KCNMB2: variants seen among roughly 807,000 people sequenced by gnomAD.
KCNMB2 encodes potassium calcium-activated channel subfamily M regulatory beta subunit 2, also known as calcium-activated potassium channel subunit beta-2.
Under a neutral mutation model 24.5 loss-of-function variants are expected in KCNMB2, and 9 were observed. The observed-to-expected ratio is 0.37, with a 90% confidence interval of 0.22 to 0.64. KCNMB2 has a LOEUF of 0.64. Among genes scored for constraint, KCNMB2 ranks in the 30% least tolerant of loss-of-function variants. The pLI is 0.63. For synonymous variants in KCNMB2, 109 were observed against 104.4 expected, an observed-to-expected ratio of 1.04 and a Z score of -0.27; for missense variants, 226 against 284.3, an observed-to-expected ratio of 0.79 and a Z score of 1.47.
chr3:178,649,923 A>C (rs1240467658), intron 1 of KCNMB2, among the ~76,000 whole-genome samples: 1 of 151,830 alleles, frequency 6.6e-6, no homozygotes, highest in Non-Finnish European at 1.5e-5. Flanking sequence ...TAGTTATTTT[A>C]ATTGTGATGT....
chr3:178,585,982 C>A (rs1717415397), intron 1 of KCNMB2, among the ~76,000 whole-genome samples: 1 of 152,138 alleles, frequency 6.6e-6, no homozygotes, highest in African/African-American at 2.4e-5. Context: ...ATAAAACAAT[C>A]TTTAATTGAG....
intron 1 of KCNMB2, among the ~76,000 whole-genome samples, chr3:178,747,677 A>T (rs952528332): frequency 3.9e-5 from 6 of 152,228 alleles, no homozygotes; most frequent in Non-Finnish European, 8.8e-5. Flanking sequence ...TAACTGACTT[A>T]GTCTTGTCTT....
chr3:178,642,253 GCA>G (rs1174961385), intron 1 of KCNMB2, among the ~76,000 whole-genome samples: 2 of 152,120 alleles, frequency 1.3e-5, no homozygotes, highest in Non-Finnish European at 2.9e-5. Flanking sequence ...AAATAAAAAA[GCA>G]CAGATTTCTC....
intron 1 of KCNMB2, among the ~76,000 whole-genome samples, chr3:178,714,384 A>G (rs80019745): frequency 0.014 from 2,129 of 152,318 alleles, 44 homozygotes; most frequent in African/African-American, 0.048. Flanking sequence ...GAGGAGGGAC[A>G]CAGTGTTGGC....
intron 1 of KCNMB2, among the ~76,000 whole-genome samples, chr3:178,806,054 A>G (rs1186848322): frequency 6.6e-6 from 1 of 152,220 alleles, no homozygotes; most frequent in Non-Finnish European, 1.5e-5. Context: ...TCTTGAACCC[A>G]GGAGTTTGAG....
intron 1 of KCNMB2, among the ~76,000 whole-genome samples, chr3:178,800,015 C>A (rs1713714454): frequency 6.6e-6 from 1 of 151,902 alleles, no homozygotes; most frequent in South Asian, 2.1e-4. Context: ...TTGCCATGTG[C>A]AAAAAACAAA....
At chr3:178,814,397 T>G (rs1714323173) in intron 2 of KCNMB2, among the ~76,000 whole-genome samples, 1 of 152,232 alleles carries the variant, frequency 6.6e-6, no homozygotes, top group African/African-American at 2.4e-5. Context: ...TTCTATGACT[T>G]TACTATTATG....
chr3:178,628,334 T>C (rs773539440), intron 1 of KCNMB2, among the ~76,000 whole-genome samples: 3 of 152,296 alleles, frequency 2.0e-5, no homozygotes, highest in Non-Finnish European at 1.5e-5. Flanking sequence ...AGCAAATAGT[T>C]CTTGGAAAGA....
At chr3:178,604,301 A>C (rs1718199070) in intron 1 of KCNMB2, among the ~76,000 whole-genome samples, 1 of 152,194 alleles carries the variant, frequency 6.6e-6, no homozygotes, top group Admixed American at 6.6e-5. Flanking sequence ...AAGAGAAATT[A>C]CAAAATTAAT....
chr3:178,568,894 A>AGAT (rs772521935), intron 1 of KCNMB2, among the ~76,000 whole-genome samples: 2 of 127,544 alleles, frequency 1.6e-5, no homozygotes, highest in African/African-American at 6.4e-5. Context: ...ATAGATAGAT[A>AGAT]GATAGATGGA....
intron 1 of KCNMB2, among the ~76,000 whole-genome samples, chr3:178,806,294 A>G (rs988624830): frequency 2.6e-5 from 4 of 152,332 alleles, no homozygotes; most frequent in Admixed American, 6.5e-5. Context: ...CCCACCTTGC[A>G]GAGTTTTCAT....
At chr3:178,729,739 C>A (rs1217827877) in intron 1 of KCNMB2, among the ~76,000 whole-genome samples, 1 of 152,176 alleles carries the variant, frequency 6.6e-6, no homozygotes, top group African/African-American at 2.4e-5. Flanking sequence ...ATGTATGAAG[C>A]AAATGGTCTT....
intron 2 of KCNMB2, among the ~76,000 whole-genome samples, chr3:178,825,116 G>A (rs6796969): frequency 0.45 from 68,719 of 151,954 alleles, 18,145 homozygotes; most frequent in African/African-American, 0.74. Context: ...TATCACTACT[G>A]AAGAAAAATG....
chr3:178,622,451 A>T (rs1295827217), intron 1 of KCNMB2, among the ~76,000 whole-genome samples: 1 of 152,200 alleles, frequency 6.6e-6, no homozygotes, highest in African/African-American at 2.4e-5. Context: ...TCCATATTTT[A>T]CCTTTGATAA....
At chr3:178,596,078 G>C (rs1717861100) in intron 1 of KCNMB2, among the ~76,000 whole-genome samples, 1 of 152,034 alleles carries the variant, frequency 6.6e-6, no homozygotes, top group Admixed American at 6.6e-5. Flanking sequence ...CACCCACTTA[G>C]CTCTTGCCAC....
intron 1 of KCNMB2, among the ~76,000 whole-genome samples, chr3:178,599,411 A>G (rs1717998212): frequency 6.6e-6 from 1 of 152,172 alleles, no homozygotes; most frequent in Non-Finnish European, 1.5e-5. Context: ...AGCTACTAAA[A>G]AAGCAGGAAA....
chr3:178,550,644 C>T (rs77705427), intron 1 of KCNMB2, among the ~76,000 whole-genome samples: 11 of 151,980 alleles, frequency 7.2e-5, no homozygotes, highest in East Asian at 1.9e-4. Context: ...AAAAATATTA[C>T]GAACAGAAGC....
chr3:178,703,632 T>C (rs1722180732), intron 1 of KCNMB2, among the ~76,000 whole-genome samples: 2 of 152,336 alleles, frequency 1.3e-5, no homozygotes, highest in East Asian at 3.9e-4. Context: ...CAGCTAATGC[T>C]GGACCAAAAT....
chr3:178,822,374 G>A (rs1428982949), intron 2 of KCNMB2, among the ~76,000 whole-genome samples: 1 of 152,142 alleles, frequency 6.6e-6, no homozygotes, highest in Non-Finnish European at 1.5e-5. Context: ...TCAAGCTGGG[G>A]TATCCTTCCC....
Sources: gnomAD v4.1 joint callset for allele counts (sites outside exome capture counted in the v4.1 genomes callset) on GRCh38, gnomAD v4.1.1 for gene constraint, MANE v1.5 for transcripts, NCBI Gene and HGNC (gene_info 2026-07-23, HGNC 2026-07-21) for gene names.